The following NLRP1 variants were observed in gnomAD, a reference collection of about 807,000 sequenced individuals.
NLRP1 encodes the protein NACHT, LRR and PYD domains-containing protein 1.
Under a neutral mutation model 136.7 loss-of-function variants are expected in NLRP1, and 94 were observed. The ratio of observed to expected loss-of-function variants is 0.69; its 90% CI spans 0.58 to 0.82. NLRP1 has a LOEUF of 0.82. NLRP1 is among the 40% of genes least tolerant of loss of function. The pLI is 0.00. For missense variants in NLRP1, 1,575 were observed against 1,802.7 expected (o/e 0.87, Z 2.29); for synonymous variants, 690 against 725.1 (o/e 0.95, Z 0.78).
chr17:5,520,805 G>A, intron 14 of NLRP1, 76 bp downstream of exon 14: 2 of 1,353,518 alleles, frequency 1.5e-6, no homozygotes, highest in African/African-American at 1.4e-5. Context: ...AGAAAGCCCT[G>A]AGACCTGCCC....
intron 5 of NLRP1, among the ~76,000 whole-genome samples, chr17:5,551,284 G>A (rs1913326912): frequency 6.6e-6 from 1 of 152,146 alleles, no homozygotes; most frequent in Admixed American, 6.5e-5. Flanking sequence ...GAAGCATACA[G>A]CATGTAGCCT....
At chr17:5,515,851 A>G (rs1908035587) in intron 15 of NLRP1, among the ~76,000 whole-genome samples, 1 of 152,160 alleles carries the variant, frequency 6.6e-6, no homozygotes, top group Admixed American at 6.6e-5. Flanking sequence ...TGAACTAACC[A>G]AACCCCTTGC....
rs1259793010 is a variant in NLRP1, at chr17:5,539,536, C to T, written c.2749G>A (p.Val917Met). 2 of 1,613,996 alleles carry T rather than the reference C, an allele frequency of 1.2e-6. No individual in the cohort carries two copies. Among genetic ancestry groups the T allele is most frequent in the East Asian group, 4.5e-5 (2 of 44,880 alleles). ...TSDCCQDLAS[V>M]LSASPSLKEL... ...TTCAGGCTGGGGCTGGCACTAAGCACAGAGGCCAGGTCCTGGCAGCAGTCA... is the reference window on the plus strand; with the variant it reads ...TTCAGGCTGGGGCTGGCACTAAGCATAGAGGCCAGGTCCTGGCAGCAGTCA... Residue 917 changes from valine to methionine, a missense_variant, in exon 7 of 17, where the codon GTG becomes ATG. Val to Met is a conservative substitution (Grantham distance 21). Transcript: ENST00000572272.
At chr17:5,511,608 G>C (rs181122762), downstream of NLRP1, among the ~76,000 whole-genome samples, 2 of 152,206 alleles carry the variant, frequency 1.3e-5, no homozygotes, top group Admixed American at 6.5e-5. Context: ...CTAGGCTTCC[G>C]GCAACTAACG....
At chr17:5,522,964 G>A (rs1909079234) in intron 12 of NLRP1, among the ~76,000 whole-genome samples, 1 of 152,142 alleles carries the variant, frequency 6.6e-6, no homozygotes, top group Admixed American at 6.5e-5. Context: ...CTTGGCAGGA[G>A]GCAAGCCAAG....
In NLRP1 at chr17:5,568,447, A is replaced by G. The variant is rs148110441; in HGVS notation, c.653-8404T>C. ...AATCTCTTTATTACATTTATCTGCT[A>G]GAATTCTGAATTCCTTCTCTGTGTT... On this transcript the variant is annotated intron_variant, in intron 3 of 16. Coordinates refer to ENST00000572272, the MANE Select transcript of NLRP1 (RefSeq NM_033004.4). 2.0e-5 allele frequency among the ~76,000 whole-genome samples: 3 copies of G among 152,278 alleles called. No individual in the cohort carries two copies. In the East Asian group the frequency reaches 5.8e-4, roughly 29 times the overall value.
At chr17:5,542,173 C>A in intron 5 of NLRP1, 146 bp from the exon 6 acceptor site, 1 of 678,608 alleles carries the variant, frequency 1.5e-6, no homozygotes. Flanking sequence ...CAGAAATGCA[C>A]ATGGTACTTG....
chr17:5,556,072 G>A (rs1271089500), intron 4 of NLRP1, among the ~76,000 whole-genome samples: 1 of 150,504 alleles, frequency 6.6e-6, no homozygotes, highest in Non-Finnish European at 1.5e-5. Flanking sequence ...CCAGCCTGGT[G>A]ACAGAGCAAG....
chr17:5,539,623 T>C (rs1434189794), intron 6 of NLRP1, 38 bp from the exon 7 acceptor site: 2 of 1,539,110 alleles, frequency 1.3e-6, no homozygotes, highest in Non-Finnish European at 1.7e-6. Flanking sequence ...GTCATTGTCC[T>C]AAGGGCTCGC....
rs1384787628 is a variant in NLRP1 at position 5,514,794 on chromosome 17, T to C, written c.4382A>G (p.Glu1461Gly). 10 of 1,614,090 alleles carry C rather than the reference T, an allele frequency of 6.2e-6. No individual in the cohort carries two copies. Among genetic ancestry groups the C allele is most frequent in the Non-Finnish European group, 8.5e-6 (10 of 1,180,012 alleles). Residue 1461 changes from glutamate to glycine, a missense_variant, in exon 17 of 17, where the codon GAG becomes GGG. Physicochemically the swap from Glu to Gly is moderately conservative, Grantham distance 98. Coordinates refer to ENST00000572272, the MANE Select transcript of NLRP1 (RefSeq NM_033004.4). Reference sequence around the variant, plus strand: ...CAGGAGTCCCTTTTTGCTGCCCTTCTCCCAGAGTTCCATAATGAGGTGAGG... The same window carrying C: ...CAGGAGTCCCTTTTTGCTGCCCTTCCCCCAGAGTTCCATAATGAGGTGAGG... ...THPHLIMELW[E>G]KGSKKGLLPL...
chr17:5,528,585 G>A (rs1282070030), intron 12 of NLRP1, among the ~76,000 whole-genome samples: 4 of 152,032 alleles, frequency 2.6e-5, no homozygotes, highest in Non-Finnish European at 5.9e-5. Context: ...AGACTTTCCT[G>A]GTTCTGGGTA....
chr17:5,519,232 G>A (rs1219748905), intron 14 of NLRP1, among the ~76,000 whole-genome samples: 1 of 151,922 alleles, frequency 6.6e-6, no homozygotes, highest in African/African-American at 2.4e-5. Flanking sequence ...TCGATCTCCT[G>A]ACCTTGTGAT....
chr17:5,556,115 TACACACACAC>T lies in NLRP1; in HGVS notation c.2357+2214_2357+2223del, dbSNP rs59028107. Among the ~76,000 whole-genome samples the T allele has an allele frequency of 4.6e-4, 55 of 119,066 alleles. No individual in the cohort carries two copies. In the East Asian group the frequency reaches 5.2e-3, roughly 11 times the overall value. 78.1% of individuals were successfully genotyped at this position (119,066 alleles called of 152,430 possible). On this transcript the variant is annotated intron_variant, in intron 4 of 16. Coordinates refer to ENST00000572272, the MANE Select transcript of NLRP1 (RefSeq NM_033004.4). ...CTGTCTCTGTCTCTGTCTCTCTCTC[TACACACACAC>T]ACACACACACACACACACACACACA...
chr17:5,558,566 C>T lies in NLRP1; in HGVS notation c.2130G>A (p.Leu710=). The change falls in exon 4 of 17, where the codon CTG becomes CTA. Residue 710 remains leucine (L), a synonymous_variant. Transcript: ENST00000572272. The part of the protein sequence containing the change: ...LMQWVPSLQL[L]LQPHSLESLH... ...GGGACTCCAGAGAGTGTGGCTGCAG[C>T]AGCAGCTGCAGGGACGGGACCCACT... is the stretch of plus-strand genomic sequence containing the variant. 1.2e-6 allele frequency: 2 copies of T among 1,614,078 alleles called. No homozygotes were observed. Among genetic ancestry groups the T allele is most frequent in the Non-Finnish European group, 1.7e-6 (2 of 1,179,996 alleles).
At chr17:5,520,273 C>T (rs1908729702) in intron 14 of NLRP1, among the ~76,000 whole-genome samples, 1 of 152,142 alleles carries the variant, frequency 6.6e-6, no homozygotes, top group South Asian at 2.1e-4. Flanking sequence ...TAAGACCCTG[C>T]CTCTAATCTG....
intron 3 of NLRP1, among the ~76,000 whole-genome samples, chr17:5,562,414 G>A (rs1031430459): frequency 6.6e-6 from 1 of 152,216 alleles, no homozygotes; most frequent in Non-Finnish European, 1.5e-5. Context: ...GCAAGGATAC[G>A]GCCTGTCTGC....
chr17:5,533,268 C>A, intron 10 of NLRP1, 36 bp downstream of exon 10: 1 of 1,551,574 alleles, frequency 6.4e-7, no homozygotes, highest in Non-Finnish European at 8.7e-7. Context: ...GAACATGGTT[C>A]AAAAGATGAA....
At chr17:5,545,861 G>A (rs1283147971) in intron 5 of NLRP1, among the ~76,000 whole-genome samples, 1 of 152,220 alleles carries the variant, frequency 6.6e-6, no homozygotes, top group Non-Finnish European at 1.5e-5. Flanking sequence ...TTGTTGACAA[G>A]CTCATTTTCA....
downstream of NLRP1, among the ~76,000 whole-genome samples, chr17:5,513,261 T>A (rs950873342): frequency 1.3e-5 from 2 of 152,208 alleles, no homozygotes; most frequent in Non-Finnish European, 2.9e-5. Context: ...CTTATTTTTT[T>A]CTTTCTTATT....
Sources: allele counts gnomAD v4.1 joint callset (sites outside exome capture counted in the v4.1 genomes callset), GRCh38; gene constraint gnomAD v4.1.1; transcripts MANE v1.5; gene names NCBI Gene and HGNC (gene_info 2026-07-23, HGNC 2026-07-21).